Variants in UNC79 observed in about 807,000 individuals in gnomAD.
The protein encoded by UNC79 is protein unc-79 homolog.
In UNC79, 37 loss-of-function variants were observed where a neutral mutation model predicts 283.1. The observed-to-expected ratio is 0.13, with a 90% confidence interval of 0.10 to 0.17. The LOEUF (loss-of-function observed/expected upper bound fraction) is 0.17. Among genes scored for constraint, UNC79 ranks in the 10% least tolerant of loss-of-function variants. The probability of loss-of-function intolerance (pLI) is 1.00; values close to 1 mark genes in which losing one functional copy is unlikely to be tolerated. For missense variants in UNC79, 2,272 were observed against 3,211.1 expected, an observed-to-expected ratio of 0.71 and a Z score of 7.07; for synonymous variants, 1,107 against 1,200.2, an observed-to-expected ratio of 0.92 and a Z score of 1.61.
chr14:93,547,646 A>G (rs1595825798), intron 14 of UNC79, among the ~76,000 whole-genome samples: 1 of 152,226 alleles, frequency 6.6e-6, no homozygotes, highest in East Asian at 1.9e-4. Flanking sequence ...AGCTCTTTTA[A>G]TATTTAGAAG....
At chr14:93,426,422 G>T (rs916860816), upstream of UNC79, among the ~76,000 whole-genome samples, 1 of 150,062 alleles carries the variant, frequency 6.7e-6, no homozygotes, top group African/African-American at 2.4e-5. Flanking sequence ...TTAAATATTT[G>T]TTCTTAAATA....
chr14:93,657,750 G>A (rs2071111417), intron 38 of UNC79, among the ~76,000 whole-genome samples: 1 of 152,168 alleles, frequency 6.6e-6, no homozygotes, highest in Non-Finnish European at 1.5e-5. Context: ...TAAACAAGTG[G>A]CGTGCCTAAT....
chr14:93,517,031 C>T (rs1402301601), intron 7 of UNC79, among the ~76,000 whole-genome samples: 1 of 152,068 alleles, frequency 6.6e-6, no homozygotes, highest in Non-Finnish European at 1.5e-5. Flanking sequence ...AAATACCCTG[C>T]AACCTTGCTA....
chr14:93,344,651 T>C (rs2053785621), intron 1 of UNC79, among the ~76,000 whole-genome samples: 1 of 152,224 alleles, frequency 6.6e-6, no homozygotes, highest in African/African-American at 2.4e-5. Context: ...AGTCAAGTAG[T>C]GTAACAACTG....
At chr14:93,567,121 C>T (rs888223453) in intron 14 of UNC79, among the ~76,000 whole-genome samples, 9 of 152,164 alleles carry the variant, frequency 5.9e-5, no homozygotes, top group Non-Finnish European at 8.8e-5. Context: ...TGCCAATCAC[C>T]GAGTTTTGGC....
Position 93,688,137 on chromosome 14 carries a change from T to C in UNC79, c.6910-528T>C, listed in dbSNP as rs1197938715. Among the ~76,000 whole-genome samples, 1 of 152,204 alleles carries C rather than the reference T, an allele frequency of 6.6e-6. No individual in the cohort carries two copies. The highest frequency in any genetic ancestry group is 1.5e-5 in the Non-Finnish European group (1 of 68,034). ...GCACTGTTCTAGGCATTGGGGATGC[T>C]GTGATGAGCAAAAGCGGACACAGTA... On this transcript the variant is annotated intron_variant, in intron 43 of 48. Coordinates refer to ENST00000555664, the Ensembl canonical transcript of UNC79. This position sits in a 1 kb window ranked among gnomAD's most constrained non-coding sequence, Gnocchi z 4.0.
At chr14:93,653,850 C>A in exon 36 of UNC79, 1 of 1,614,124 alleles carries the variant, frequency 6.2e-7, no homozygotes, top group South Asian at 1.1e-5. Flanking sequence ...AAAGCACGAT[C>A]AAAGGTAATT....
At chr14:93,593,873 A>T in intron 23 of UNC79, 36 bp downstream of exon 23, 1 of 1,602,200 alleles carries the variant, frequency 6.2e-7, no homozygotes, top group Non-Finnish European at 8.5e-7. Context: ...ATTCTGGGTC[A>T]CACAGTACAC....
At chr14:93,392,314 C>T (rs1399646218) in intron 1 of UNC79, among the ~76,000 whole-genome samples, 1 of 152,014 alleles carries the variant, frequency 6.6e-6, no homozygotes, top group Non-Finnish European at 1.5e-5. Flanking sequence ...AGGACAGAAG[C>T]AAGACCAAAA....
At chr14:93,606,799 C>T (rs993711941) in intron 26 of UNC79, among the ~76,000 whole-genome samples, 18 of 152,212 alleles carry the variant, frequency 1.2e-4, no homozygotes, top group Admixed American at 6.5e-4. Flanking sequence ...AAAGTATACT[C>T]TGCAAGGTTT....
At chr14:93,368,629 C>T (rs2054381468) in intron 1 of UNC79, among the ~76,000 whole-genome samples, 1 of 152,066 alleles carries the variant, frequency 6.6e-6, no homozygotes, top group Non-Finnish European at 1.5e-5. Flanking sequence ...TGCCACCACA[C>T]CCAGCTAAAT....
intron 47 of UNC79, among the ~76,000 whole-genome samples, chr14:93,698,063 A>T (rs1595131629): frequency 6.6e-6 from 1 of 152,038 alleles, no homozygotes; most frequent in African/African-American, 2.4e-5. Flanking sequence ...TCTGTTATGG[A>T]TTTGTAGTTC....
At chr14:93,588,256 A>G (rs887369655) in intron 22 of UNC79, among the ~76,000 whole-genome samples, 3 of 152,090 alleles carry the variant, frequency 2.0e-5, no homozygotes, top group African/African-American at 4.8e-5. Flanking sequence ...CTTTACTAGA[A>G]TGAGTATGGA....
chr14:93,701,229 T>C (rs1291625449), intron 47 of UNC79, among the ~76,000 whole-genome samples: 1 of 152,256 alleles, frequency 6.6e-6, no homozygotes, highest in Non-Finnish European at 1.5e-5. Flanking sequence ...ATCTCTGTCC[T>C]GCATTTCTTG....
chr14:93,630,873 G>A (rs937108046), exon 31 of UNC79: 2 of 1,614,034 alleles, frequency 1.2e-6, no homozygotes, highest in Non-Finnish European at 1.7e-6. Context: ...TTAGATGCAG[G>A]TGTGCCGGAA....
chr14:93,686,276 A>C (rs2074232234), intron 42 of UNC79, among the ~76,000 whole-genome samples: 1 of 152,030 alleles, frequency 6.6e-6, no homozygotes, highest in Non-Finnish European at 1.5e-5. Context: ...CATACAAAGC[A>C]GTTTAAAAAC....
intron 32 of UNC79, 36 bp from the exon 36 acceptor site, chr14:93,641,109 C>G: frequency 6.3e-7 from 1 of 1,586,264 alleles, no homozygotes. Context: ...TGAAGCTCAT[C>G]TATATTCACT....
chr14:93,357,101 G>A (rs1373963539), intron 1 of UNC79, among the ~76,000 whole-genome samples: 1 of 152,152 alleles, frequency 6.6e-6, no homozygotes, highest in Non-Finnish European at 1.5e-5. Flanking sequence ...GAGAGAGCAT[G>A]TGGTATTTGG....
intron 7 of UNC79, 25 bp downstream of exon 7, chr14:93,497,311 GC>G: frequency 6.2e-7 from 1 of 1,603,952 alleles, no homozygotes; most frequent in Non-Finnish European, 8.5e-7. Context: ...GCCCTGTGAT[GC>G]CCCATCTGTA....
Sources: gnomAD v4.1 joint callset for allele counts (sites outside exome capture counted in the v4.1 genomes callset) on GRCh38, gnomAD v4.1.1 for gene constraint, Gnocchi (gnomAD v3.1) non-coding constraint, MANE v1.5 for transcripts, NCBI Gene and HGNC (gene_info 2026-07-23, HGNC 2026-07-21) for gene names.